ENOX1: variants seen among roughly 807,000 people sequenced by gnomAD.
ENOX1 encodes the protein candidate growth-related and time keeping constitutive hydroquinone (NADH) oxidase.
A neutral mutation model predicts 82.5 loss-of-function variants in ENOX1; 42 were observed. The observed-to-expected ratio is 0.51, with a 90% CI of 0.40 to 0.66. The LOEUF is 0.66. ENOX1 is among the 30% of genes least tolerant of loss of function. The pLI, the probability that ENOX1 is intolerant of heterozygous loss-of-function variation, is 0.00. For synonymous variants in ENOX1, 271 were observed against 282.2 expected, an observed-to-expected ratio of 0.96 and a Z score of 0.40; for missense variants, 608 against 811.6, an observed-to-expected ratio of 0.75 and a Z score of 3.05.
chr13:43,522,601 G>C (rs1395676923), intron 2 of ENOX1, among the ~76,000 whole-genome samples: 1 of 152,116 alleles, frequency 6.6e-6, no homozygotes, highest in African/African-American at 2.4e-5. Flanking sequence ...TCCAAACAGT[G>C]CCCTGTAGAA....
At chr13:43,708,695 G>A (rs936990020) in intron 1 of ENOX1, among the ~76,000 whole-genome samples, 10 of 152,166 alleles carry the variant, frequency 6.6e-5, no homozygotes, top group African/African-American at 2.2e-4. Context: ...TGAAACAAAT[G>A]TAAATCTGTA....
At chr13:43,294,952 G>C (rs2046208692) in intron 12 of ENOX1, among the ~76,000 whole-genome samples, 2 of 152,190 alleles carry the variant, frequency 1.3e-5, no homozygotes, top group Non-Finnish European at 2.9e-5. Flanking sequence ...CAGAGCAGTG[G>C]TTGCTGGGAG....
chr13:43,279,768 A>G (rs1369715144), intron 12 of ENOX1, among the ~76,000 whole-genome samples: 1 of 152,218 alleles, frequency 6.6e-6, no homozygotes, highest in Non-Finnish European at 1.5e-5. Context: ...AGGTGAAGTG[A>G]CATTTAAGTC....
chr13:43,397,464 G>C (rs548621263), intron 5 of ENOX1, among the ~76,000 whole-genome samples: 2 of 152,184 alleles, frequency 1.3e-5, no homozygotes, highest in Non-Finnish European at 2.9e-5. Context: ...CATTTTTCCT[G>C]CTGAGATGGA....
chr13:43,703,564 C>G (rs1197480814), intron 1 of ENOX1, among the ~76,000 whole-genome samples: 1 of 152,102 alleles, frequency 6.6e-6, no homozygotes, highest in Non-Finnish European at 1.5e-5. Context: ...AGTCCTATTC[C>G]TTTGTTCTAT....
At chr13:43,327,463 G>A (rs750126827) in intron 9 of ENOX1, among the ~76,000 whole-genome samples, 1 of 152,164 alleles carries the variant, frequency 6.6e-6, no homozygotes, top group Admixed American at 6.5e-5. Context: ...ATTATGGGTG[G>A]AGCCAACTAA....
intron 2 of ENOX1, among the ~76,000 whole-genome samples, chr13:43,484,576 A>T (rs1035474942): frequency 1.3e-5 from 2 of 152,198 alleles, no homozygotes; most frequent in Non-Finnish European, 2.9e-5. Flanking sequence ...AAAAATGCAC[A>T]GATTGCTGAC....
At chr13:43,699,857 G>A (rs1279780207) in intron 1 of ENOX1, among the ~76,000 whole-genome samples, 3 of 152,100 alleles carry the variant, frequency 2.0e-5, no homozygotes, top group Admixed American at 2.0e-4. Context: ...GGGAATATGT[G>A]ATATTTTGAA....
intron 1 of ENOX1, among the ~76,000 whole-genome samples, chr13:43,715,641 T>C (rs1423256927): frequency 1.3e-5 from 2 of 152,206 alleles, no homozygotes; most frequent in Non-Finnish European, 2.9e-5. Context: ...CATAGTCCCA[T>C]ATTTCTTGGA....
intron 9 of ENOX1, among the ~76,000 whole-genome samples, chr13:43,343,731 C>T (rs1412847846): frequency 6.6e-6 from 1 of 152,116 alleles, no homozygotes; most frequent in East Asian, 1.9e-4. Context: ...GGCCCTGCAC[C>T]TGGTATGGAA....
chr13:43,616,198 A>ATATATATATATATATC (rs2082459786), intron 2 of ENOX1, among the ~76,000 whole-genome samples: 1 of 19,836 alleles, frequency 5.0e-5, no homozygotes, highest in Non-Finnish European at 3.7e-4. Context: ...ATATATATAT[A>ATATATATATATATATC]TATATATTTT....
chr13:43,661,380 C>T (rs1202282430), intron 2 of ENOX1, among the ~76,000 whole-genome samples: 1 of 152,088 alleles, frequency 6.6e-6, no homozygotes, highest in East Asian at 1.9e-4. Flanking sequence ...GGGTAGGAGG[C>T]CGGTGGAAGT....
At chr13:43,272,011 T>A (rs1022279479) in intron 12 of ENOX1, among the ~76,000 whole-genome samples, 2 of 152,216 alleles carry the variant, frequency 1.3e-5, no homozygotes, top group African/African-American at 4.8e-5. Flanking sequence ...TTTAAAAATC[T>A]AATAGATTTT....
chr13:43,603,642 G>C (rs1433698327), intron 2 of ENOX1, among the ~76,000 whole-genome samples: 2 of 142,506 alleles, frequency 1.4e-5, no homozygotes, highest in Admixed American at 7.1e-5. Context: ...GCGGTGTTTG[G>C]TTTTTTGTTC....
chr13:43,733,721 T>C (rs979621913), intron 1 of ENOX1, among the ~76,000 whole-genome samples: 1 of 152,202 alleles, frequency 6.6e-6, no homozygotes, highest in Non-Finnish European at 1.5e-5. Context: ...AAGGTTGAAT[T>C]GTGTCCCCCT....
chr13:43,665,496 A>T (rs1428529769), intron 2 of ENOX1, among the ~76,000 whole-genome samples: 3 of 152,186 alleles, frequency 2.0e-5, no homozygotes, highest in African/African-American at 7.2e-5. Context: ...GATTAAAGCC[A>T]GAGAAGAGAA....
At chr13:43,349,273 G>T (rs1282715149) in intron 8 of ENOX1, among the ~76,000 whole-genome samples, 1 of 152,230 alleles carries the variant, frequency 6.6e-6, no homozygotes, top group Non-Finnish European at 1.5e-5. Context: ...AAAGTTAAGA[G>T]TGATGTCAGA....
chr13:43,608,844 C>G (rs568186668), intron 2 of ENOX1, among the ~76,000 whole-genome samples: 2 of 152,196 alleles, frequency 1.3e-5, no homozygotes, highest in East Asian at 1.9e-4. Flanking sequence ...CCTTTCCTGT[C>G]GGGCACCCTG....
At chr13:43,256,615 A>T (rs896844949) in intron 14 of ENOX1, among the ~76,000 whole-genome samples, 2 of 152,230 alleles carry the variant, frequency 1.3e-5, no homozygotes, top group African/African-American at 2.4e-5. Flanking sequence ...GTGAGATGTC[A>T]TCTCACCTCA....
Sources: allele counts gnomAD v4.1 joint callset (sites outside exome capture counted in the v4.1 genomes callset), GRCh38; gene constraint gnomAD v4.1.1; transcripts MANE v1.5; gene names NCBI Gene and HGNC (gene_info 2026-07-23, HGNC 2026-07-21).